The following PDXDC1 variants were observed in gnomAD, a reference collection of about 807,000 sequenced individuals.
PDXDC1 encodes pyridoxal dependent decarboxylase domain containing 1, also known as pyridoxal-dependent decarboxylase domain-containing protein 1.
In PDXDC1, 42 loss-of-function variants were observed where a neutral mutation model predicts 100.1. The observed-to-expected ratio is 0.42, with a 90% CI of 0.33 to 0.54. PDXDC1 has a LOEUF of 0.54. Among genes scored for constraint, PDXDC1 ranks in the 20% least tolerant of loss-of-function variants. The pLI is 0.10. For synonymous variants in PDXDC1, 260 were observed against 371.7 expected, an observed-to-expected ratio of 0.70 and a Z score of 3.46; for missense variants, 636 against 979.2, an observed-to-expected ratio of 0.65 and a Z score of 4.68.
At chr16:15,060,427 T>C (rs1427268467) in intron 16 of PDXDC1, 1 of 167,872 alleles carries the variant, frequency 6.0e-6, no homozygotes. Flanking sequence ...TCAATGTAAT[T>C]ATACAAGTGC....
At chr16:15,150,221 G>C in the PDXDC1 span, among the ~76,000 whole-genome samples, 1 of 151,988 alleles carries the variant, frequency 6.6e-6, no homozygotes, top group African/African-American at 2.4e-5. Context: ...GCGGGCACCA[G>C]TCCAGGCTAC....
At chr16:15,055,910 C>T (rs1293766885) in intron 16 of PDXDC1, 13 of 1,232,168 alleles carry the variant, frequency 1.1e-5, no homozygotes, top group African/African-American at 3.1e-5. Flanking sequence ...CGGGTGGGCT[C>T]GGACGAGGTC....
chr16:15,141,722 C>G (rs1161080937), downstream of PDXDC1, among the ~76,000 whole-genome samples: 2 of 152,220 alleles, frequency 1.3e-5, no homozygotes, highest in African/African-American at 4.8e-5. Flanking sequence ...GGCCCACAGC[C>G]ACGCTGCTAG....
At chr16:15,139,825 C>T (rs1049027078), downstream of PDXDC1, among the ~76,000 whole-genome samples, 24 of 152,036 alleles carry the variant, frequency 1.6e-4, no homozygotes, top group African/African-American at 5.5e-4. Context: ...TGGCTGGGCA[C>T]GGTGGCTCAC....
At chr16:15,076,931 A>G (rs1196042451) in intron 16 of PDXDC1, among the ~76,000 whole-genome samples, 2 of 150,906 alleles carry the variant, frequency 1.3e-5, no homozygotes, top group Non-Finnish European at 2.9e-5. Flanking sequence ...CAAATTCAAC[A>G]TTTATTCTAG....
At chr16:15,023,056 C>G (rs1345849787) in intron 13 of PDXDC1, among the ~76,000 whole-genome samples, 5 of 152,286 alleles carry the variant, frequency 3.3e-5, no homozygotes, top group African/African-American at 1.2e-4. Flanking sequence ...ACACCATTGA[C>G]TTCAGCTGCC....
At chr16:15,034,205 C>G (rs1235649170) in intron 19 of PDXDC1, 81 bp from the exon 20 acceptor site, 1 of 1,177,644 alleles carries the variant, frequency 8.5e-7, no homozygotes, top group African/African-American at 1.5e-5. Flanking sequence ...TTGAAAAATT[C>G]CCTCAGTGCT....
At chr16:15,075,409 A>G (rs1299621544) in intron 16 of PDXDC1, among the ~76,000 whole-genome samples, 1 of 152,030 alleles carries the variant, frequency 6.6e-6, no homozygotes, top group Non-Finnish European at 1.5e-5. Context: ...CTGTCTCTAC[A>G]AAAATAGAAA....
At chr16:15,023,845 G>A (rs2042384321) in intron 13 of PDXDC1, among the ~76,000 whole-genome samples, 1 of 152,274 alleles carries the variant, frequency 6.6e-6, no homozygotes, top group Non-Finnish European at 1.5e-5. Flanking sequence ...TCTGAGCAGT[G>A]CCACAGGGTG....
chr16:15,008,040 G>A (rs1247712117), intron 6 of PDXDC1, among the ~76,000 whole-genome samples: 1 of 152,270 alleles, frequency 6.6e-6, no homozygotes, highest in Admixed American at 6.5e-5. Flanking sequence ...TAGGGTAGGG[G>A]GCTAGGCATT....
intron 16 of PDXDC1, among the ~76,000 whole-genome samples, chr16:15,085,275 C>A (rs953828033): frequency 3.3e-5 from 5 of 151,954 alleles, no homozygotes; most frequent in African/African-American, 1.2e-4. Context: ...CAAAGGTTGT[C>A]ATTTGTTGCA....
At chr16:15,104,310 T>C (rs1176384711) in intron 16 of PDXDC1, 1 of 1,509,542 alleles carries the variant, frequency 6.6e-7, no homozygotes, top group Non-Finnish European at 8.9e-7. Context: ...AGGACTGCAG[T>C]ATTCATTTTA....
At chr16:14,981,919 T>G in intron 1 of PDXDC1, among the ~76,000 whole-genome samples, 1 of 152,346 alleles carries the variant, frequency 6.6e-6, no homozygotes, top group Non-Finnish European at 1.5e-5. Flanking sequence ...AACCTCTGCC[T>G]CTGGGTTCAA....
the PDXDC1 span, among the ~76,000 whole-genome samples, chr16:15,149,044 G>C: frequency 1.3e-4 from 20 of 152,332 alleles, no homozygotes; most frequent in East Asian, 3.9e-3. Flanking sequence ...GGGACCCCGG[G>C]TGAGGCCAGC....
chr16:15,135,301 C>G, intron 16 of PDXDC1: 3 of 1,521,994 alleles, frequency 2.0e-6, no homozygotes, highest in Non-Finnish European at 2.6e-6. Context: ...TGGCCTCCTC[C>G]TTGCGGCCGG....
intron 16 of PDXDC1, chr16:15,060,117 TCA>T: frequency 2.9e-6 from 1 of 344,568 alleles, no homozygotes; most frequent in South Asian, 2.4e-5. Flanking sequence ...GGATTTTTTT[TCA>T]CAAACTCCTT....
At chr16:15,075,591 AAG>A (rs2045420956) in intron 16 of PDXDC1, among the ~76,000 whole-genome samples, 1 of 22,350 alleles carries the variant, frequency 4.5e-5, no homozygotes, top group Admixed American at 8.9e-4. Context: ...AAAGAAAGAA[AAG>A]AAAGAAAGAA....
intron 1 of PDXDC1, among the ~76,000 whole-genome samples, chr16:14,984,476 C>CATATATATATATATATATATATATATAT (rs749990542): frequency 3.2e-5 from 3 of 92,694 alleles, no homozygotes; most frequent in Admixed American, 3.7e-4. Context: ...TGTGTGTATA[C>CATATATATATATATATATATATATATAT]ATATATATAT....
chr16:14,988,573 G>C lies in PDXDC1; in HGVS notation c.22-9180G>C. On this transcript the variant is annotated intron_variant, in intron 1 of 22. Transcript: ENST00000396410. ...GTGGGCGCCGAGGTCAGCTCCACTG[G>C]CTCGTCCAGGCAGCCTGCCTTGCAG... 1.9e-6 allele frequency: 3 copies of C among 1,612,718 alleles called. No individual in the cohort carries two copies. In the South Asian group the frequency reaches 3.3e-5, roughly 18 times the overall value.
Sources: allele counts gnomAD v4.1 joint callset (sites outside exome capture counted in the v4.1 genomes callset), GRCh38; gene constraint gnomAD v4.1.1; transcripts MANE v1.5; gene names NCBI Gene and HGNC (gene_info 2026-07-23, HGNC 2026-07-21).